ARID1B: variants seen among roughly 807,000 people sequenced by gnomAD.
ARID1B encodes AT-rich interactive domain-containing protein 1B.
A neutral mutation model predicts 212.3 loss-of-function variants in ARID1B; 30 were observed. The observed-to-expected ratio is 0.14, with a 90% CI of 0.11 to 0.19. ARID1B has a LOEUF of 0.19. Among genes scored for constraint, ARID1B ranks in the 10% least tolerant of loss-of-function variants. ARID1B has a pLI of 1.00. For synonymous variants in ARID1B, 1,402 were observed against 1,301.7 expected, an observed-to-expected ratio of 1.08 and a Z score of -1.66; for missense variants, 2,891 against 3,204.0, an observed-to-expected ratio of 0.90 and a Z score of 2.36.
intron 2 of ARID1B, among the ~76,000 whole-genome samples, chr6:156,841,825 C>T (rs1783922746): frequency 6.6e-6 from 1 of 152,168 alleles, no homozygotes; most frequent in African/African-American, 2.4e-5. Flanking sequence ...GGAGGGGTTA[C>T]TCAGGCTGTT....
intron 3 of ARID1B, among the ~76,000 whole-genome samples, chr6:156,919,260 CT>C (rs1451307520): frequency 1.3e-5 from 2 of 151,810 alleles, no homozygotes; most frequent in Non-Finnish European, 2.9e-5. Context: ...GCATTTTTGG[CT>C]TTTAATGGAA....
intron 5 of ARID1B, among the ~76,000 whole-genome samples, chr6:157,096,562 A>G (rs924261240): frequency 1.1e-4 from 17 of 152,192 alleles, no homozygotes; most frequent in African/African-American, 3.9e-4. Context: ...GTGCTCGAGA[A>G]CCTTCCTCTC....
At chr6:156,997,449 G>C (rs370122126) in intron 4 of ARID1B, among the ~76,000 whole-genome samples, 1 of 152,154 alleles carries the variant, frequency 6.6e-6, no homozygotes, top group African/African-American at 2.4e-5. Context: ...TATCGTCACT[G>C]TCATGAATTC....
intron 3 of ARID1B, among the ~76,000 whole-genome samples, chr6:156,914,733 G>A (rs1790206512): frequency 6.6e-6 from 1 of 152,040 alleles, no homozygotes; most frequent in African/African-American, 2.4e-5. Flanking sequence ...TGCCCAACAG[G>A]CTTTGGAAAA....
chr6:156,969,075 G>A (rs1241970610), intron 4 of ARID1B, among the ~76,000 whole-genome samples: 1 of 152,222 alleles, frequency 6.6e-6, no homozygotes, highest in Non-Finnish European at 1.5e-5. Context: ...TTCAGAGGCT[G>A]AGGATTTAAC....
chr6:156,956,094 C>A (rs750177773), intron 4 of ARID1B, among the ~76,000 whole-genome samples: 25 of 152,236 alleles, frequency 1.6e-4, no homozygotes, highest in Non-Finnish European at 3.2e-4. Flanking sequence ...AAGACATGCA[C>A]CAGTGGCCTG....
At chr6:157,186,490 C>G (rs1469182038) in intron 13 of ARID1B, 1 of 471,032 alleles carries the variant, frequency 2.1e-6, no homozygotes, top group African/African-American at 2.0e-5. Context: ...CAGAGGCACC[C>G]TGGTCTTCAG....
intron 6 of ARID1B, among the ~76,000 whole-genome samples, chr6:157,113,312 A>G (rs1356754345): frequency 3.9e-5 from 6 of 152,178 alleles, no homozygotes; most frequent in Non-Finnish European, 1.5e-5. Context: ...CCTCCTCTGA[A>G]AGACTGTGAG....
At chr6:156,835,669 C>T (rs1187639234) in intron 2 of ARID1B, among the ~76,000 whole-genome samples, 1 of 152,154 alleles carries the variant, frequency 6.6e-6, no homozygotes, top group Non-Finnish European at 1.5e-5. Context: ...ATGTATTTTA[C>T]ATATAGACTT....
At chr6:156,886,344 C>T (rs1287013245) in intron 2 of ARID1B, among the ~76,000 whole-genome samples, 1 of 152,184 alleles carries the variant, frequency 6.6e-6, no homozygotes, top group Non-Finnish European at 1.5e-5. Flanking sequence ...AGGCACCTGC[C>T]ACCATGCCTG....
At chr6:156,933,285 T>C (rs2128266592) in intron 3 of ARID1B, among the ~76,000 whole-genome samples, 1 of 151,512 alleles carries the variant, frequency 6.6e-6, no homozygotes, top group Non-Finnish European at 1.5e-5. Context: ...TGTGCACGTG[T>C]GTTGGAGGAG....
rs1794416850 is a variant in ARID1B, at chr6:157,206,045, A to T, written c.5395-122A>T. 1 of 1,128,622 alleles carries T rather than the reference A, an allele frequency of 8.9e-7. No homozygotes were observed. The highest frequency in any genetic ancestry group is 1.6e-5 in the African/African-American group (1 of 64,490). The allele number at this position is 1,128,622 out of a possible 1,614,324, so 69.9% of individuals were successfully genotyped here. On this transcript the variant is annotated intron_variant, in intron 19 of 19. Transcript: ENST00000636930. The surrounding 1 kb of genome is among the most constrained non-coding windows in gnomAD (Gnocchi z 6.8). Reference sequence around the variant, plus strand: ...TTTCATGGTCCAGCCAAAAAGGGAGACAAACGTGTGACAATGATGGAAAGG... The same window carrying T: ...TTTCATGGTCCAGCCAAAAAGGGAGTCAAACGTGTGACAATGATGGAAAGG...
intron 4 of ARID1B, among the ~76,000 whole-genome samples, chr6:156,944,838 G>C (rs746702920): frequency 6.6e-6 from 1 of 152,050 alleles, no homozygotes; most frequent in Non-Finnish European, 1.5e-5. Flanking sequence ...ACCACTGTTC[G>C]TCTTTAATGA....
chr6:156,785,331 T>G (rs929223668), intron 1 of ARID1B, among the ~76,000 whole-genome samples: 1 of 152,188 alleles, frequency 6.6e-6, no homozygotes, highest in African/African-American at 2.4e-5. Context: ...GTTGACCATC[T>G]TCTGTAAGGT....
chr6:156,837,655 A>AT (rs1783604561), intron 2 of ARID1B, among the ~76,000 whole-genome samples: 1 of 152,216 alleles, frequency 6.6e-6, no homozygotes. Flanking sequence ...ATAATTTTGA[A>AT]AAGGAACTTT....
At chr6:157,008,646 G>T (rs1324892768) in intron 4 of ARID1B, among the ~76,000 whole-genome samples, 2 of 152,160 alleles carry the variant, frequency 1.3e-5, no homozygotes, top group Admixed American at 6.5e-5. Context: ...AGGCAAATGT[G>T]ACTTTGAGTT....
At chr6:157,084,553 C>CAAAA in intron 4 of ARID1B, 109 bp from the exon 5 acceptor site, 1 of 1,394,312 alleles carries the variant, frequency 7.2e-7, no homozygotes, top group East Asian at 2.3e-5. Context: ...GGGTGTTACC[C>CAAAA]AGAAAACCTT....
chr6:156,872,389 T>C (rs1786203844), intron 2 of ARID1B, among the ~76,000 whole-genome samples: 2 of 152,208 alleles, frequency 1.3e-5, no homozygotes, highest in South Asian at 2.1e-4. Context: ...TGGTGCGATC[T>C]TGGCTCACTG....
At chr6:156,780,936 T>TC (rs1425465431) in intron 1 of ARID1B, among the ~76,000 whole-genome samples, 1 of 152,222 alleles carries the variant, frequency 6.6e-6, no homozygotes, top group Non-Finnish European at 1.5e-5. Context: ...CTTTACAAAT[T>TC]CAACTATGGA....
Sources: gnomAD v4.1 joint callset for allele counts (sites outside exome capture counted in the v4.1 genomes callset) on GRCh38, gnomAD v4.1.1 for gene constraint, Gnocchi (gnomAD v3.1) non-coding constraint, MANE v1.5 for transcripts, NCBI Gene and HGNC (gene_info 2026-07-23, HGNC 2026-07-21) for gene names.